FAM184B: variants seen among roughly 807,000 people sequenced by gnomAD.
FAM184B encodes the protein family with sequence similarity 184 member B.
FAM184B carries 111 observed loss-of-function variants against 135.9 expected under a neutral mutation model. The ratio of observed to expected loss-of-function variants is 0.82; its 90% CI spans 0.70 to 0.96. The LOEUF (loss-of-function observed/expected upper bound fraction) is 0.96, where lower values mean the gene tolerates loss of function less well. Ranked by LOEUF, FAM184B falls within the 40% of genes least tolerant of loss-of-function variation. The pLI, the probability that FAM184B is intolerant of heterozygous loss-of-function variation, is 0.00. For synonymous variants in FAM184B, 552 were observed against 524.8 expected (o/e 1.05, Z -0.71); for missense variants, 1,375 against 1,323.9 (o/e 1.04, Z -0.60).
At chr4:17,654,682 T>A (rs554150708) in intron 10 of FAM184B, among the ~76,000 whole-genome samples, 86 of 152,278 alleles carry the variant, frequency 5.6e-4, no homozygotes, top group Non-Finnish European at 1.1e-3. Flanking sequence ...TGCATGAGGC[T>A]CCTGTGAGGG....
chr4:17,645,184 C>A (rs558694058), intron 12 of FAM184B, among the ~76,000 whole-genome samples: 5 of 152,146 alleles, frequency 3.3e-5, no homozygotes, highest in African/African-American at 4.8e-5. Flanking sequence ...TCAATGCCAT[C>A]CCCATCGAGC....
At chr4:17,715,327 T>C (rs1717382317) in intron 1 of FAM184B, among the ~76,000 whole-genome samples, 1 of 151,942 alleles carries the variant, frequency 6.6e-6, no homozygotes, top group Non-Finnish European at 1.5e-5. Context: ...ATTAAAAAAT[T>C]AGCTGTGTGT....
intron 1 of FAM184B, among the ~76,000 whole-genome samples, chr4:17,727,798 G>T (rs1308425595): frequency 6.6e-6 from 1 of 152,030 alleles, no homozygotes; most frequent in African/African-American, 2.4e-5. Context: ...ATTTCAGTGG[G>T]GACACAGAGC....
chr4:17,773,379 C>T (rs1279192716), intron 1 of FAM184B, among the ~76,000 whole-genome samples: 1 of 152,214 alleles, frequency 6.6e-6, no homozygotes, highest in African/African-American at 2.4e-5. Context: ...AGATCCAAAA[C>T]AAGAATGAGT....
At position 17,629,546 on chromosome 4, in the gene FAM184B, CAG is replaced by C. The variant is rs1273325531; in HGVS notation, c.*2984_*2985del. The C allele has an allele frequency of 6.6e-6, 1 of 152,190 alleles. No homozygotes were observed. The highest frequency in any genetic ancestry group is 1.5e-5 in the Non-Finnish European group (1 of 68,038). The allele number at this position is 152,190 out of a possible 1,614,324, so 9.4% of individuals were successfully genotyped here. ...CAAAACAGTTTGCTTTCATGTGGAACAGATAGTATTCCTTTCAGTTTTGCTGC... is the reference window on the plus strand; with the variant it reads ...CAAAACAGTTTGCTTTCATGTGGAACATAGTATTCCTTTCAGTTTTGCTGC... On this transcript the variant is annotated 3_prime_UTR_variant, in exon 18 of 18. Coordinates refer to ENST00000265018, the MANE Select transcript of FAM184B (RefSeq NM_015688.2).
intron 7 of FAM184B, among the ~76,000 whole-genome samples, chr4:17,665,447 G>C (rs1716024939): frequency 6.6e-6 from 1 of 152,088 alleles, no homozygotes; most frequent in Non-Finnish European, 1.5e-5. Flanking sequence ...TATAAGACAG[G>C]GTAGGAACAG....
chr4:17,652,764 C>G, intron 11 of FAM184B, 66 bp downstream of exon 11: 3 of 1,504,988 alleles, frequency 2.0e-6, no homozygotes, highest in South Asian at 1.3e-5. Flanking sequence ...CTCAGCTTGT[C>G]TCTGGTTTCT....
chr4:17,635,776 G>C lies in FAM184B; in HGVS notation c.2785-663C>G, dbSNP rs368983526. Among the ~76,000 whole-genome samples, 22 of 152,214 alleles carry C rather than the reference G, an allele frequency of 1.4e-4. No individual in the cohort carries two copies. The East Asian group carries it at 2.5e-3, about 17-fold the overall frequency. ...TTTCAAAGCACAGAGAGATACAGAA[G>C]TGAGGCAGGTGAGCAGGAGCAGAAA... On this transcript the variant is annotated intron_variant, in intron 15 of 17. Coordinates refer to ENST00000265018, the MANE Select transcript of FAM184B (RefSeq NM_015688.2).
Position 17,660,105 on chromosome 4 carries a change from C to CCACA in FAM184B, c.1695-22_1695-19dup, listed in dbSNP as rs1560170276. ...CTTTGGTCCTTTGAAGATAAGGATG[C>CCACA]CACAATCACAAAAGATCCTAGGGCT... On this transcript the variant is annotated intron_variant, in intron 8 of 17. Coordinates refer to ENST00000265018, the MANE Select transcript of FAM184B (RefSeq NM_015688.2). The CCACA allele has an allele frequency of 6.4e-7, 1 of 1,550,606 alleles. No individual in the cohort carries two copies. Among genetic ancestry groups the CCACA allele is most frequent in the Non-Finnish European group, 8.7e-7 (1 of 1,146,506 alleles).
rs539720473 is a variant in FAM184B at position 17,631,578 on chromosome 4, G to C, written c.*954C>G. ...ACTGGGCTAGGATTGGTTATTTACA[G>C]AAAAACCTTGTGGTACTTAATTCCA... On this transcript the variant is annotated 3_prime_UTR_variant, in exon 18 of 18. Coordinates refer to ENST00000265018, the MANE Select transcript of FAM184B (RefSeq NM_015688.2). 1.3e-5 allele frequency: 2 copies of C among 152,250 alleles called. No homozygotes were observed. The highest frequency in any genetic ancestry group is 2.9e-5 in the Non-Finnish European group (2 of 68,024). The allele number at this position is 152,250 out of a possible 1,614,324, so 9.4% of individuals were successfully genotyped here.
At chr4:17,754,773 A>C (rs1718383060) in intron 1 of FAM184B, among the ~76,000 whole-genome samples, 1 of 152,170 alleles carries the variant, frequency 6.6e-6, no homozygotes, top group African/African-American at 2.4e-5. Context: ...ACTTTCCCAC[A>C]TATATTATGA....
chr4:17,708,663 C>CTATACATATATATATATA (rs1228433126), intron 2 of FAM184B, among the ~76,000 whole-genome samples: 6 of 16,990 alleles, frequency 3.5e-4, no homozygotes, highest in Non-Finnish European at 6.0e-4. Flanking sequence ...GGAAACAAAA[C>CTATACATATATATATATA]TATATATATA....
At chr4:17,668,793 C>T (rs1336609815) in intron 7 of FAM184B, among the ~76,000 whole-genome samples, 1 of 152,198 alleles carries the variant, frequency 6.6e-6, no homozygotes, top group Non-Finnish European at 1.5e-5. Context: ...GCCTTGGCCT[C>T]CCAAAGTGCT....
chr4:17,693,236 C>A, intron 6 of FAM184B, 66 bp downstream of exon 6: 1 of 1,265,796 alleles, frequency 7.9e-7, no homozygotes, highest in South Asian at 1.4e-5. Context: ...CTTGGCTTCT[C>A]AGTTAGGTAG....
chr4:17,695,040 C>G (rs1272095343), intron 5 of FAM184B, among the ~76,000 whole-genome samples: 1 of 152,108 alleles, frequency 6.6e-6, no homozygotes, highest in Admixed American at 6.5e-5. Flanking sequence ...GCTGCCATGG[C>G]TAGACTAGAT....
chr4:17,708,443 G>C (rs1445891830), intron 2 of FAM184B, among the ~76,000 whole-genome samples: 1 of 151,546 alleles, frequency 6.6e-6, no homozygotes, highest in African/African-American at 2.4e-5. Flanking sequence ...TCAGGAGTTG[G>C]AGACCAGCCT....
At chr4:17,656,657 C>T (rs1715783932) in intron 10 of FAM184B, among the ~76,000 whole-genome samples, 1 of 152,182 alleles carries the variant, frequency 6.6e-6, no homozygotes, top group African/African-American at 2.4e-5. Context: ...TCATCTTGGC[C>T]TCCCAAAGTG....
intron 7 of FAM184B, among the ~76,000 whole-genome samples, chr4:17,687,952 GAC>G (rs1182864015): frequency 6.6e-6 from 1 of 152,160 alleles, no homozygotes. Flanking sequence ...GCCAGACAGA[GAC>G]AAACAGGAAC....
intron 1 of FAM184B, among the ~76,000 whole-genome samples, chr4:17,743,397 A>C (rs556555084): frequency 2.0e-5 from 3 of 152,168 alleles, no homozygotes; most frequent in Admixed American, 6.5e-5. Context: ...AAGCTGATTC[A>C]CCTGTTATAA....
Sources: gnomAD v4.1 joint callset for allele counts (sites outside exome capture counted in the v4.1 genomes callset) on GRCh38, gnomAD v4.1.1 for gene constraint, MANE v1.5 for transcripts, NCBI Gene and HGNC (gene_info 2026-07-23, HGNC 2026-07-21) for gene names.